Variants in CTAGE1 observed in about 807,000 individuals in gnomAD.
The protein encoded by CTAGE1 is cTAGE family member 2.
For missense variants in CTAGE1, 963 were observed against 855.9 expected (o/e 1.13, Z -1.56); for synonymous variants, 332 against 302.8 (o/e 1.10, Z -1.00).
chr18:22,415,556 T>C lies in CTAGE1; in HGVS notation c.*18A>G. ...CATTTGAAGTCGGACTCAACCCTGA[T>C]GGAAACTCATTCTACCTTCAGAATG... On this transcript the variant is annotated 3_prime_UTR_variant, in exon 1 of 1. Coordinates refer to ENST00000391403, the MANE Select transcript of CTAGE1 (RefSeq NM_172241.3). 6.4e-7 allele frequency: 1 copy of C among 1,566,572 alleles called. No individual in the cohort carries two copies. Among genetic ancestry groups the C allele is most frequent in the Non-Finnish European group, 8.6e-7 (1 of 1,156,272 alleles).
At position 22,415,790 on chromosome 18, in the gene CTAGE1, T is replaced by A. The variant is rs9946145; in HGVS notation, c.2022A>T (p.Pro674=). Residue 674 remains proline, a synonymous_variant, in exon 1 of 1, where the codon CCA becomes CCT. Transcript: ENST00000391403. ...TTATGAACGGGCCCCTTGTATCTAC[T>A]GGAAACAATAAACCTCTGATTGGAG... is the stretch of plus-strand genomic sequence containing the variant. ...PLAPIRGLLF[P]VDTRGPFIRR... is the part of the protein sequence containing the mutation. 6.2e-7 allele frequency: 1 copy of A among 1,613,700 alleles called. No homozygotes were observed. The highest frequency in any genetic ancestry group is 1.1e-5 in the South Asian group (1 of 90,996).
In CTAGE1 at chr18:22,415,366, T is replaced by C. The variant is rs557328583; in HGVS notation, c.*208A>G. The C allele has an allele frequency of 1.2e-4, 62 of 522,876 alleles. No homozygotes were observed. In the East Asian group the frequency reaches 1.8e-3, roughly 15 times the overall value. The allele number at this position is 522,876 out of a possible 1,614,324, so 32.4% of individuals were successfully genotyped here. On this transcript the variant is annotated 3_prime_UTR_variant, in exon 1 of 1. Coordinates refer to ENST00000391403, the MANE Select transcript of CTAGE1 (RefSeq NM_172241.3). ...AATCATCCTCATTTACAAAATACTA[T>C]CCTGGGAATTATAGTTCCATTAAGT...
chr18:22,415,571 C>A lies in CTAGE1; in HGVS notation c.*3G>T. The A allele has an allele frequency of 6.3e-7, 1 of 1,588,826 alleles. No homozygotes were observed. Among genetic ancestry groups the A allele is most frequent in the Non-Finnish European group, 8.6e-7 (1 of 1,167,842 alleles). On this transcript the variant is annotated 3_prime_UTR_variant, in exon 1 of 1. Transcript: ENST00000391403. ...TCAACCCTGATGGAAACTCATTCTA[C>A]CTTCAGAATGTGGGGGCTGGGGGGA...
rs1029931272 is a variant in CTAGE1, at chr18:22,415,378, T to C, written c.*196A>G. The stretch of plus-strand genomic sequence containing the variant: ...TTACAAAATACTATCCTGGGAATTA[T>C]AGTTCCATTAAGTTTCAATCTGAAC... On this transcript the variant is annotated 3_prime_UTR_variant, in exon 1 of 1. Coordinates refer to ENST00000391403, the MANE Select transcript of CTAGE1 (RefSeq NM_172241.3). The C allele has an allele frequency of 2.8e-5, 15 of 538,952 alleles. No homozygotes were observed. The highest frequency in any genetic ancestry group is 7.3e-5 in the Admixed American group (2 of 27,454). The allele number at this position is 538,952 out of a possible 1,614,324, so 33.4% of individuals were successfully genotyped here.
Position 22,414,794 on chromosome 18 carries a change from C to T in CTAGE1, c.*780G>A, listed in dbSNP as rs903287220. 5 of 702,352 alleles carry T rather than the reference C, an allele frequency of 7.1e-6. No individual in the cohort carries two copies. Among genetic ancestry groups the T allele is most frequent in the Admixed American group, 2.0e-5 (1 of 49,994 alleles). The allele number at this position is 702,352 out of a possible 1,614,324, so 43.5% of individuals were successfully genotyped here. On this transcript the variant is annotated 3_prime_UTR_variant, in exon 1 of 1. Transcript: ENST00000391403. Reference sequence around the variant, plus strand: ...AAGTTCTGGATAAAGTTGTTCCCACCAAATAAAAATAAAACAAAAGAAATA... The same window carrying T: ...AAGTTCTGGATAAAGTTGTTCCCACTAAATAAAAATAAAACAAAAGAAATA...
rs781005940 is a variant in CTAGE1 at position 22,416,190 on chromosome 18, T to C, written c.1622A>G (p.Lys541Arg). The change falls in exon 1 of 1, where the codon AAA becomes AGA. Residue 541 changes from lysine (K) to arginine (R), a missense_variant. Coordinates refer to ENST00000391403, the MANE Select transcript of CTAGE1 (RefSeq NM_172241.3). ...PGNPPDHQIT[K>R]ERGESSCDRL... ...ATCACAGCTTGATTCTCCTCTTTCT[T>C]TGGTAATCTGATGGTCCGGAGGATT... 1.2e-6 allele frequency: 2 copies of C among 1,613,816 alleles called. No homozygotes were observed. Among genetic ancestry groups the C allele is most frequent in the East Asian group, 2.2e-5 (1 of 44,858 alleles).
At position 22,415,612 on chromosome 18, in the gene CTAGE1, G is replaced by C. The variant is rs1298570567; in HGVS notation, c.2200C>G (p.Pro734Ala). Residue 734 changes from proline (P) to alanine (A), a missense_variant, in exon 1 of 1, where the codon CCA becomes GCA. By Grantham distance (27) the Pro-to-Ala change is conservative. Transcript: ENST00000391403. ...GCTGGGGGGAAAAATGCAGGTCTTG[G>C]GGGACGGTAAGGAAGAAAACCTCTC... ...LPRGFLPYRPPRPAFFPPAPT... is the reference protein window; with the variant it reads ...LPRGFLPYRPARPAFFPPAPT... 2 of 1,612,932 alleles carry C rather than the reference G, an allele frequency of 1.2e-6. No individual in the cohort carries two copies. Among genetic ancestry groups the C allele is most frequent in the Non-Finnish European group, 1.7e-6 (2 of 1,179,470 alleles).
chr18:22,416,593 C>A lies in CTAGE1; in HGVS notation c.1219G>T (p.Asp407Tyr). Residue 407 changes from aspartate to tyrosine, a missense_variant, in exon 1 of 1, where the codon GAT (aspartate) becomes TAT (tyrosine). Coordinates refer to ENST00000391403, the MANE Select transcript of CTAGE1 (RefSeq NM_172241.3). ...ELETYRKRAKDLKEFEKTIHF... is the reference protein window; with the variant it reads ...ELETYRKRAKYLKEFEKTIHF... ...ATAGTTTTCTCAAATTCTTTAAGATCTTTGGCTCGCTTTCGGTAGGTCTCC... is the reference window on the plus strand; with the variant it reads ...ATAGTTTTCTCAAATTCTTTAAGATATTTGGCTCGCTTTCGGTAGGTCTCC... 6.2e-7 allele frequency: 1 copy of A among 1,610,650 alleles called. No individual in the cohort carries two copies. The highest frequency in any genetic ancestry group is 8.5e-7 in the Non-Finnish European group (1 of 1,179,366).
Position 22,416,759 on chromosome 18 carries a change from T to C in CTAGE1, c.1053A>G (p.Lys351=), listed in dbSNP as rs1407584478. Residue 351 remains lysine (K), a synonymous_variant, in exon 1 of 1, where the codon AAA becomes AAG. Transcript: ENST00000391403. ...FESENQKLQQ[K]LKVMTELYQE... ...GATATAATTCAGTCATTACTTTAAG[T>C]TTCTGCTGAAGCTTCTGATTCTCAC... 6.2e-7 allele frequency: 1 copy of C among 1,612,504 alleles called. No individual in the cohort carries two copies. Among genetic ancestry groups the C allele is most frequent in the Non-Finnish European group, 8.5e-7 (1 of 1,179,692 alleles).
At position 22,415,892 on chromosome 18, in the gene CTAGE1, A is replaced by G; in HGVS notation, c.1920T>C (p.Gly640=). 6.2e-7 allele frequency: 1 copy of G among 1,613,922 alleles called. No homozygotes were observed. The highest frequency in any genetic ancestry group is 1.1e-5 in the South Asian group (1 of 91,068). The change falls in exon 1 of 1, where the codon GGT becomes GGC. Residue 640 remains glycine, a synonymous_variant. Transcript: ENST00000391403. ...GAGATGAATCAGGCACCTTTAAATT[A>G]CCAAGATTATCTTTGGTATCATTTC... ...SSRNDTKDNL[G]NLKVPDSSLP...
Position 22,414,514 on chromosome 18 carries a change from G to T in CTAGE1, c.*1060C>A. The T allele has an allele frequency of 1.7e-6, 1 of 591,720 alleles. No homozygotes were observed. Among genetic ancestry groups the T allele is most frequent in the Admixed American group, 3.1e-5 (1 of 32,624 alleles). 36.7% of individuals were successfully genotyped at this position (591,720 alleles called of 1,614,324 possible). On this transcript the variant is annotated 3_prime_UTR_variant, in exon 1 of 1. Coordinates refer to ENST00000391403, the MANE Select transcript of CTAGE1 (RefSeq NM_172241.3). ...GGCTTGGTGGCCCAGCTTGCATGAA[G>T]GACTAATCCAAAATTTGAGGGCGTC...
Position 22,416,783 on chromosome 18 carries a change from A to T in CTAGE1, c.1029T>A (p.Ser343Arg), listed in dbSNP as rs545500925. 6.8e-6 allele frequency: 11 copies of T among 1,612,362 alleles called. No homozygotes were observed. The East Asian group carries it at 1.1e-4, about 16-fold the overall frequency. ...SLQSENTHFE[S>R]ENQKLQQKLK... Reference sequence around the variant, plus strand: ...GTTTCTGCTGAAGCTTCTGATTCTCACTTTCAAAATGTGTGTTTTCTGACT... The same window carrying T: ...GTTTCTGCTGAAGCTTCTGATTCTCTCTTTCAAAATGTGTGTTTTCTGACT... Residue 343 changes from serine (S) to arginine (R), a missense_variant, in exon 1 of 1, where the codon AGT (serine) becomes AGA (arginine). Ser to Arg is a moderately radical substitution (Grantham distance 110). Coordinates refer to ENST00000391403, the MANE Select transcript of CTAGE1 (RefSeq NM_172241.3).
In CTAGE1 at chr18:22,416,705, T is replaced by C; in HGVS notation, c.1107A>G (p.Lys369=). 6.2e-7 allele frequency: 1 copy of C among 1,613,322 alleles called. No homozygotes were observed. The highest frequency in any genetic ancestry group is 1.1e-5 in the South Asian group (1 of 90,724). ...ACCGGCATTTTTCCTCTACTATTAA[T>C]TTCCTGTAGAGTTTCATTTCATTTT... The part of the protein sequence containing the change: ...YQENEMKLYR[K]LIVEEKCRLE... Residue 369 remains lysine (K), a synonymous_variant, in exon 1 of 1, where the codon AAA becomes AAG. Coordinates refer to ENST00000391403, the MANE Select transcript of CTAGE1 (RefSeq NM_172241.3).
chr18:22,416,981 A>G lies in CTAGE1; in HGVS notation c.831T>C (p.Asn277=), dbSNP rs1203548675. 1.9e-6 allele frequency: 3 copies of G among 1,613,966 alleles called. No individual in the cohort carries two copies. Among genetic ancestry groups the G allele is most frequent in the Non-Finnish European group, 8.5e-7 (1 of 1,179,920 alleles). The change falls in exon 1 of 1, where the codon AAT becomes AAC. Residue 277 remains asparagine, a synonymous_variant. Transcript: ENST00000391403. ...SESEDGAYLD[N]PPKGALKKLI... ...GTTTCTTCAAAGCTCCTTTTGGAGG[A>G]TTATCTAAGTAAGCACCATCTTCCG...
chr18:22,416,402 A>T lies in CTAGE1; in HGVS notation c.1410T>A (p.Asp470Glu), dbSNP rs1317233094. The change falls in exon 1 of 1, where the codon GAT (aspartate) becomes GAA (glutamate). Residue 470 changes from aspartate (D) to glutamate (E), a missense_variant. Physicochemically the swap from Asp to Glu is conservative, Grantham distance 45. Transcript: ENST00000391403. ...TATTTGGAACATCAAGTCCATAAGG[A>T]TCTTTTTCTAAAAGTTTTATTTTAA... ...IEFKIKLLEKDPYGLDVPNTA... is the reference protein window; with the variant it reads ...IEFKIKLLEKEPYGLDVPNTA... 1 of 1,613,678 alleles carries T rather than the reference A, an allele frequency of 6.2e-7. No homozygotes were observed. The highest frequency in any genetic ancestry group is 8.5e-7 in the Non-Finnish European group (1 of 1,179,834).
chr18:22,417,159 T>A lies in CTAGE1; in HGVS notation c.653A>T (p.Asp218Val), dbSNP rs779515078. ...AACTTGTTCTGCATGTACTTTGGAGTCTTCAAATGTTCTTTTCTGTTTAAT... is the reference window on the plus strand; with the variant it reads ...AACTTGTTCTGCATGTACTTTGGAGACTTCAAATGTTCTTTTCTGTTTAAT... ...ELIKQKRTFE[D>V]SKVHAEQVLN... Residue 218 changes from aspartate to valine, a missense_variant, in exon 1 of 1, where the codon GAC becomes GTC. By Grantham distance (152) the Asp-to-Val change is radical (BLOSUM62 -3). Transcript: ENST00000391403. 1.6e-5 allele frequency: 26 copies of A among 1,613,804 alleles called. No individual in the cohort carries two copies. Among genetic ancestry groups the A allele is most frequent in the Non-Finnish European group, 2.1e-5 (25 of 1,179,864 alleles).
In CTAGE1 at chr18:22,416,802, T is replaced by C. The variant is rs746081338; in HGVS notation, c.1010A>G (p.Glu337Gly). 1 of 1,612,600 alleles carries C rather than the reference T, an allele frequency of 6.2e-7. No homozygotes were observed. The highest frequency in any genetic ancestry group is 8.5e-7 in the Non-Finnish European group (1 of 1,179,836). ...ATTCTCACTTTCAAAATGTGTGTTTTCTGACTGCAAAGATGCTTGTTCAGT... is the reference window on the plus strand; with the variant it reads ...ATTCTCACTTTCAAAATGTGTGTTTCCTGACTGCAAAGATGCTTGTTCAGT... ...LQTEQASLQSENTHFESENQK... is the reference protein window; with the variant it reads ...LQTEQASLQSGNTHFESENQK... The change falls in exon 1 of 1, where the codon GAA becomes GGA. Residue 337 changes from glutamate (E) to glycine (G), a missense_variant. By Grantham distance (98) the Glu-to-Gly change is moderately conservative. Coordinates refer to ENST00000391403, the MANE Select transcript of CTAGE1 (RefSeq NM_172241.3).
In CTAGE1 at chr18:22,416,713, A is replaced by G. The variant is rs373439523; in HGVS notation, c.1099T>C (p.Tyr367His). 4.5e-5 allele frequency: 72 copies of G among 1,612,888 alleles called. No individual in the cohort carries two copies. The highest frequency in any genetic ancestry group is 1.7e-4 in the Middle Eastern group (1 of 6,040). ...ELYQENEMKL[Y>H]RKLIVEEKCR... Reference sequence around the variant, plus strand: ...TTTTCCTCTACTATTAATTTCCTGTAGAGTTTCATTTCATTTTCTTGATAT... The same window carrying G: ...TTTTCCTCTACTATTAATTTCCTGTGGAGTTTCATTTCATTTTCTTGATAT... Residue 367 changes from tyrosine to histidine, a missense_variant, in exon 1 of 1, where the codon TAC becomes CAC. Tyr to His is a moderately conservative substitution (Grantham distance 83). Coordinates refer to ENST00000391403, the MANE Select transcript of CTAGE1 (RefSeq NM_172241.3).
At position 22,415,014 on chromosome 18, in the gene CTAGE1, G is replaced by T. The variant is rs2034993067; in HGVS notation, c.*560C>A. 1 of 553,142 alleles carries T rather than the reference G, an allele frequency of 1.8e-6. No homozygotes were observed. Among genetic ancestry groups the T allele is most frequent in the Non-Finnish European group, 3.2e-6 (1 of 315,042 alleles). The allele number at this position is 553,142 out of a possible 1,614,324, so 34.3% of individuals were successfully genotyped here. A position where few individuals can be genotyped will look rare whatever the true frequency, so the allele number is the denominator to read the frequency against. On this transcript the variant is annotated 3_prime_UTR_variant, in exon 1 of 1. Transcript: ENST00000391403. ...AAAATCTATAAGACAGGAGATCCAA[G>T]ATCATCTTGGTTTAAAGTGAAATAT...
Sources: gnomAD v4.1 joint callset for allele counts on GRCh38, gnomAD v4.1.1 for gene constraint, MANE v1.5 for transcripts, NCBI Gene and HGNC (gene_info 2026-07-23, HGNC 2026-07-21) for gene names.